Variants in TENM3 observed in about 807,000 individuals in gnomAD.
The protein encoded by TENM3 is teneurin transmembrane protein 3.
TENM3 carries 63 observed loss-of-function variants against 255.1 expected under a neutral mutation model. The ratio of observed to expected loss-of-function variants is 0.25; its 90% CI spans 0.20 to 0.30. The LOEUF is 0.30. TENM3 is among the 10% of genes least tolerant of loss of function. TENM3 has a pLI of 1.00. For missense variants in TENM3, 2,929 were observed against 3,461.1 expected (o/e 0.85, Z 3.86); for synonymous variants, 1,306 against 1,322.3 (o/e 0.99, Z 0.27).
intron 3 of TENM3, among the ~76,000 whole-genome samples, chr4:182,348,223 C>T (rs1764957061): frequency 1.3e-5 from 2 of 151,824 alleles, no homozygotes; most frequent in African/African-American, 4.8e-5. Flanking sequence ...GGCTTTATTC[C>T]AATTCAAAAG....
intron 3 of TENM3, among the ~76,000 whole-genome samples, chr4:182,509,648 A>T (rs1737178951): frequency 6.6e-6 from 1 of 152,168 alleles, no homozygotes; most frequent in Admixed American, 6.5e-5. Flanking sequence ...GATGGAAAGT[A>T]AAAAATGGGT....
chr4:181,542,967 A>G, the TENM3 span, among the ~76,000 whole-genome samples: 1 of 152,144 alleles, frequency 6.6e-6, no homozygotes, highest in Non-Finnish European at 1.5e-5. Flanking sequence ...CAGACCATAT[A>G]TCTTGCTTGG....
chr4:181,713,441 A>G, the TENM3 span, among the ~76,000 whole-genome samples: 1 of 152,266 alleles, frequency 6.6e-6, no homozygotes, highest in African/African-American at 2.4e-5. Flanking sequence ...ATATTGCCCT[A>G]AGAGAAGTCA....
chr4:181,591,211 A>G, the TENM3 span, among the ~76,000 whole-genome samples: 1 of 152,350 alleles, frequency 6.6e-6, no homozygotes, highest in South Asian at 2.1e-4. Flanking sequence ...TAAAATTTAA[A>G]GACTCACCAT....
chr4:182,565,996 T>C (rs1193337052), intron 3 of TENM3, among the ~76,000 whole-genome samples: 1 of 152,234 alleles, frequency 6.6e-6, no homozygotes, highest in Admixed American at 6.5e-5. Context: ...ACCATTGTTA[T>C]TGAAAGCATT....
At chr4:182,416,923 T>C (rs1421052337) in intron 3 of TENM3, among the ~76,000 whole-genome samples, 1 of 152,188 alleles carries the variant, frequency 6.6e-6, no homozygotes, top group African/African-American at 2.4e-5. Context: ...ATGTTGTTGA[T>C]ACGAATGACA....
intron 3 of TENM3, among the ~76,000 whole-genome samples, chr4:182,564,218 A>G (rs1034583922): frequency 2.0e-5 from 3 of 152,138 alleles, no homozygotes; most frequent in African/African-American, 7.2e-5. Flanking sequence ...AGTATCAGAA[A>G]GTTCCTTCTT....
chr4:181,850,549 G>A, the TENM3 span, among the ~76,000 whole-genome samples: 1 of 151,992 alleles, frequency 6.6e-6, no homozygotes, highest in East Asian at 1.9e-4. Flanking sequence ...TTGTTATATC[G>A]AGAGGTTTTT....
At chr4:182,224,922 C>T (rs1450654853) in intron 1 of TENM3, among the ~76,000 whole-genome samples, 4 of 151,776 alleles carry the variant, frequency 2.6e-5, no homozygotes, top group South Asian at 2.1e-4. Flanking sequence ...TTTTTAGTGA[C>T]GGGGTTTCAC....
intron 4 of TENM3, among the ~76,000 whole-genome samples, chr4:182,625,989 TGAAAA>T (rs1194132435): frequency 2.0e-5 from 3 of 152,172 alleles, no homozygotes; most frequent in Non-Finnish European, 4.4e-5. Context: ...ATTGACAGCA[TGAAAA>T]GAAAAGATTT....
chr4:182,366,386 A>T (rs931878951), intron 3 of TENM3, among the ~76,000 whole-genome samples: 6 of 151,612 alleles, frequency 4.0e-5, no homozygotes, highest in African/African-American at 7.3e-5. Context: ...TTTTTTCCTC[A>T]TTTATATGTC....
At chr4:182,543,825 T>C (rs1741148417) in intron 3 of TENM3, among the ~76,000 whole-genome samples, 1 of 152,144 alleles carries the variant, frequency 6.6e-6, no homozygotes, top group Non-Finnish European at 1.5e-5. Context: ...CGCTATAGGA[T>C]AGTCGGATAT....
At chr4:182,193,631 A>C (rs1338201960) in intron 1 of TENM3, among the ~76,000 whole-genome samples, 1 of 152,206 alleles carries the variant, frequency 6.6e-6, no homozygotes, top group African/African-American at 2.4e-5. Flanking sequence ...TTACTACATT[A>C]GATTTGAAGT....
chr4:181,522,990 G>A, the TENM3 span: 1 of 654,842 alleles, frequency 1.5e-6, no homozygotes, highest in South Asian at 1.4e-5. Flanking sequence ...GATGCATAGG[G>A]AACTCAATGC....
chr4:181,605,584 G>GAAAGAAAGATAGAAAGAAAAA, the TENM3 span, among the ~76,000 whole-genome samples: 2 of 69,142 alleles, frequency 2.9e-5, 1 homozygote, highest in Non-Finnish European at 6.0e-5. Context: ...GAGAAAGAAA[G>GAAAGAAAGATAGAAAGAAAAA]GAAAGAAAGA....
At chr4:181,925,828 T>G in the TENM3 span, among the ~76,000 whole-genome samples, 3 of 152,198 alleles carry the variant, frequency 2.0e-5, no homozygotes, top group Admixed American at 2.0e-4. Context: ...AAACAAGCTT[T>G]CCTGATGTTA....
At chr4:181,765,536 A>T in the TENM3 span, among the ~76,000 whole-genome samples, 2 of 152,236 alleles carry the variant, frequency 1.3e-5, no homozygotes, top group African/African-American at 4.8e-5. Flanking sequence ...ATAGAAAAAC[A>T]TAACATAAGA....
the TENM3 span, among the ~76,000 whole-genome samples, chr4:182,008,819 T>C: frequency 2.6e-5 from 4 of 152,124 alleles, no homozygotes; most frequent in Non-Finnish European, 5.9e-5. Flanking sequence ...TTTTGGGTTT[T>C]CAGCATTTTT....
chr4:182,744,018 C>G (rs1439494953), intron 19 of TENM3: 2 of 605,516 alleles, frequency 3.3e-6, no homozygotes, highest in African/African-American at 4.1e-5. Flanking sequence ...GCCAAGTTGG[C>G]AATTTTCCAT....
Sources: allele counts gnomAD v4.1 joint callset (sites outside exome capture counted in the v4.1 genomes callset), GRCh38; gene constraint gnomAD v4.1.1; transcripts MANE v1.5; gene names NCBI Gene and HGNC (gene_info 2026-07-23, HGNC 2026-07-21).